Variants in PRDM16 observed in about 807,000 individuals in gnomAD.
The protein encoded by PRDM16 is histone-lysine N-methyltransferase PRDM16.
A neutral mutation model predicts 110.6 loss-of-function variants in PRDM16; 23 were observed. That is an observed-to-expected ratio of 0.21 (90% CI 0.15 to 0.29). The LOEUF (loss-of-function observed/expected upper bound fraction) is 0.29, where lower values mean the gene tolerates loss of function less well. Ranked by LOEUF, PRDM16 falls within the 10% of genes least tolerant of loss-of-function variation. The pLI is 1.00. For synonymous variants in PRDM16, 799 were observed against 781.8 expected (o/e 1.02, Z -0.37); for missense variants, 1,615 against 1,794.3 (o/e 0.90, Z 1.81).
chr1:3,155,399 C>A (rs1034004571), intron 1 of PRDM16, among the ~76,000 whole-genome samples: 1 of 152,340 alleles, frequency 6.6e-6, no homozygotes, highest in East Asian at 1.9e-4. Flanking sequence ...TTCGGGTTTG[C>A]GGTGTTATTG....
intron 1 of PRDM16, among the ~76,000 whole-genome samples, chr1:3,142,767 C>T (rs970285871): frequency 1.3e-5 from 2 of 152,114 alleles, no homozygotes; most frequent in African/African-American, 4.8e-5. Flanking sequence ...ATTCCCTGCC[C>T]GCCAAGCTGT....
chr1:3,264,346 G>C (rs1640236354), intron 3 of PRDM16, among the ~76,000 whole-genome samples: 1 of 152,074 alleles, frequency 6.6e-6, no homozygotes, highest in African/African-American at 2.4e-5. Flanking sequence ...AGGCAGGGGA[G>C]GGGTGTGGAG....
chr1:3,405,687 G>T, intron 8 of PRDM16, 39 bp downstream of exon 8: 1 of 1,518,176 alleles, frequency 6.6e-7, no homozygotes. Context: ...CCCTCCGGGT[G>T]CGCGGATGCC....
chr1:3,297,278 G>A (rs1415621936), intron 3 of PRDM16, among the ~76,000 whole-genome samples: 3 of 129,070 alleles, frequency 2.3e-5, no homozygotes, highest in South Asian at 4.8e-4. Context: ...CTGGTGAGAG[G>A]AATTTTTTTT....
intron 1 of PRDM16, among the ~76,000 whole-genome samples, chr1:3,098,479 A>T (rs1433550823): frequency 1.3e-5 from 2 of 152,134 alleles, no homozygotes; most frequent in Non-Finnish European, 2.9e-5. Flanking sequence ...TGCTTCCCCC[A>T]GACTCCCATC....
chr1:3,120,106 T>C (rs1643061215), intron 1 of PRDM16, among the ~76,000 whole-genome samples: 1 of 140,108 alleles, frequency 7.1e-6, no homozygotes, highest in South Asian at 2.3e-4. Flanking sequence ...ATCCCACAGG[T>C]GGCCCCTGAG....
At position 3,201,993 on chromosome 1, in the gene PRDM16, C is replaced by G. The variant is rs563618021; in HGVS notation, c.387+15519C>G. Among the ~76,000 whole-genome samples the G allele has an allele frequency of 6.6e-6, 1 of 152,202 alleles. No individual in the cohort carries two copies. The highest frequency in any genetic ancestry group is 2.4e-5 in the African/African-American group (1 of 41,454). Reference sequence around the variant, plus strand: ...GTACATAATAGTGGGTCCCACACGTCCATGAGGCAGGGGACGCCCTCACAG... The same window carrying G: ...GTACATAATAGTGGGTCCCACACGTGCATGAGGCAGGGGACGCCCTCACAG... On this transcript the variant is annotated intron_variant, in intron 2 of 16. Coordinates refer to ENST00000270722, the MANE Select transcript of PRDM16 (RefSeq NM_022114.4). The surrounding 1 kb of genome is among the most constrained non-coding windows in gnomAD (Gnocchi z 4.1).
intron 1 of PRDM16, among the ~76,000 whole-genome samples, chr1:3,185,013 C>T (rs1240364890): frequency 6.6e-6 from 1 of 152,210 alleles, no homozygotes; most frequent in Non-Finnish European, 1.5e-5. Flanking sequence ...ACTACTCATC[C>T]GTTCCCTCAT....
At chr1:3,429,435 C>A (rs1638705555) in intron 14 of PRDM16, among the ~76,000 whole-genome samples, 1 of 152,228 alleles carries the variant, frequency 6.6e-6, no homozygotes, top group African/African-American at 2.4e-5. Flanking sequence ...CCATGCAAAC[C>A]CACGTGGGGC....
intron 3 of PRDM16, among the ~76,000 whole-genome samples, chr1:3,299,086 C>G (rs1389084803): frequency 2.0e-5 from 3 of 152,266 alleles, no homozygotes; most frequent in Non-Finnish European, 4.4e-5. Flanking sequence ...GACACTGGCT[C>G]GGCCCTTGTT....
chr1:3,155,159 C>T (rs1327276616), intron 1 of PRDM16, among the ~76,000 whole-genome samples: 1 of 152,192 alleles, frequency 6.6e-6, no homozygotes, highest in Non-Finnish European at 1.5e-5. Flanking sequence ...GAGAGGCTGC[C>T]GTCCTGCGGA....
At chr1:3,082,776 G>A (rs961804128) in intron 1 of PRDM16, among the ~76,000 whole-genome samples, 5 of 152,202 alleles carry the variant, frequency 3.3e-5, no homozygotes, top group African/African-American at 7.2e-5. Context: ...AGCTTTGCCC[G>A]CTTTGTGCGG....
chr1:3,348,763 G>T (rs764292822), intron 3 of PRDM16, among the ~76,000 whole-genome samples: 1 of 152,192 alleles, frequency 6.6e-6, no homozygotes. Context: ...CGGGGCCGCA[G>T]TGAGCCTGGG....
rs1403318303 is a variant in PRDM16, at chr1:3,188,689, G to A, written c.387+2215G>A. Among the ~76,000 whole-genome samples the A allele has an allele frequency of 2.6e-5, 4 of 152,110 alleles. No homozygotes were observed. The East Asian group carries it at 5.8e-4, about 22-fold the overall frequency. On this transcript the variant is annotated intron_variant, in intron 2 of 16. Transcript: ENST00000270722. ...TGTTTTCCTTGCGAGTTCGGGCACCGACTCCCTGGCTTTGGGACCACCTTT... is the reference window on the plus strand; with the variant it reads ...TGTTTTCCTTGCGAGTTCGGGCACCAACTCCCTGGCTTTGGGACCACCTTT...
intron 1 of PRDM16, among the ~76,000 whole-genome samples, chr1:3,114,191 A>G (rs6691895): frequency 0.14 from 18,889 of 131,378 alleles, 1,294 homozygotes; most frequent in African/African-American, 0.2. Flanking sequence ...ACACGCACAC[A>G]CGCACACGCA....
Position 3,081,903 on chromosome 1 carries a change from G to T in PRDM16, c.37+12607G>T, listed in dbSNP as rs1250053516. ...TCCCCTCACAGACCCAGAGGCAGAGGCCTTCAGGGCCAGCAGTCAGGATGG... is the reference window on the plus strand; with the variant it reads ...TCCCCTCACAGACCCAGAGGCAGAGTCCTTCAGGGCCAGCAGTCAGGATGG... On this transcript the variant is annotated intron_variant, in intron 1 of 16. Transcript: ENST00000270722. The surrounding 1 kb of genome is among the most constrained non-coding windows in gnomAD (Gnocchi z 4.6). Among the ~76,000 whole-genome samples, 1 of 152,196 alleles carries T rather than the reference G, an allele frequency of 6.6e-6. No individual in the cohort carries two copies. The highest frequency in any genetic ancestry group is 1.5e-5 in the Non-Finnish European group (1 of 68,036).
chr1:3,072,492 C>T (rs1641789485), intron 1 of PRDM16, among the ~76,000 whole-genome samples: 1 of 152,216 alleles, frequency 6.6e-6, no homozygotes, highest in African/African-American at 2.4e-5. Flanking sequence ...CTGCAGCCCC[C>T]ACTAGATGGG....
chr1:3,326,722 G>A (rs1209241596), intron 3 of PRDM16, among the ~76,000 whole-genome samples: 1 of 152,268 alleles, frequency 6.6e-6, no homozygotes, highest in African/African-American at 2.4e-5. Flanking sequence ...ACCACAGGCA[G>A]TGGCTTTCAG....
intron 3 of PRDM16, among the ~76,000 whole-genome samples, chr1:3,325,218 T>C (rs1263596047): frequency 2.0e-5 from 3 of 152,200 alleles, no homozygotes; most frequent in African/African-American, 7.2e-5. Context: ...GCAGCCCCTC[T>C]TCTAATGAGC....
Sources: allele counts gnomAD v4.1 joint callset (sites outside exome capture counted in the v4.1 genomes callset), GRCh38; gene constraint gnomAD v4.1.1; non-coding constraint Gnocchi (gnomAD v3.1); transcripts MANE v1.5; gene names NCBI Gene and HGNC (gene_info 2026-07-23, HGNC 2026-07-21).